The following KCND2 variants were observed in gnomAD, a reference collection of about 807,000 sequenced individuals.
The protein encoded by KCND2 is A-type voltage-gated potassium channel KCND2.
KCND2 carries 16 observed loss-of-function variants against 54.4 expected under a neutral mutation model. That is an observed-to-expected ratio of 0.29 (90% CI 0.20 to 0.45). KCND2 has a LOEUF of 0.45. Ranked by LOEUF, KCND2 falls within the 20% of genes least tolerant of loss-of-function variation. The pLI, the probability that KCND2 is intolerant of heterozygous loss-of-function variation, is 1.00. For missense variants in KCND2, 486 were observed against 824.2 expected (o/e 0.59, Z 5.02); for synonymous variants, 317 against 310.7 (o/e 1.02, Z -0.21).
chr7:120,535,714 G>A (rs945668790), intron 1 of KCND2, among the ~76,000 whole-genome samples: 1 of 152,060 alleles, frequency 6.6e-6, no homozygotes, highest in Non-Finnish European at 1.5e-5. Flanking sequence ...ACAGCAATAC[G>A]TTGATATTTT....
intron 1 of KCND2, among the ~76,000 whole-genome samples, chr7:120,704,148 A>G (rs956994869): frequency 1.3e-5 from 2 of 152,196 alleles, no homozygotes; most frequent in Non-Finnish European, 2.9e-5. Context: ...CTTGAGTGCA[A>G]AAGTCCAGAT....
chr7:120,632,566 T>A (rs1434263456), intron 1 of KCND2, among the ~76,000 whole-genome samples: 2 of 152,204 alleles, frequency 1.3e-5, no homozygotes, highest in Non-Finnish European at 2.9e-5. Context: ...CAAGATTTTT[T>A]AAAACTTATA....
At chr7:120,559,647 A>G (rs1313687585) in intron 1 of KCND2, among the ~76,000 whole-genome samples, 4 of 152,350 alleles carry the variant, frequency 2.6e-5, no homozygotes, top group South Asian at 4.1e-4. Flanking sequence ...AGGAAATGAA[A>G]CAGCATGTTT....
At chr7:120,583,794 G>C (rs914268749) in intron 1 of KCND2, among the ~76,000 whole-genome samples, 1 of 135,180 alleles carries the variant, frequency 7.4e-6, no homozygotes, top group Admixed American at 7.5e-5. Context: ...TGGGGGGGGG[G>C]ACAAAATTCA....
Position 120,598,539 on chromosome 7 carries a change from C to T in KCND2, c.1116-134364C>T, listed in dbSNP as rs560895047. Among the ~76,000 whole-genome samples the T allele has an allele frequency of 3.5e-5, 5 of 142,382 alleles. No individual in the cohort carries two copies. The South Asian group carries it at 9.7e-4, about 28-fold the overall frequency. 93.4% of individuals were successfully genotyped at this position (142,382 alleles called of 152,430 possible). A position where few individuals can be genotyped will look rare whatever the true frequency, so the allele number is the denominator to read the frequency against. On this transcript the variant is annotated intron_variant, in intron 1 of 5. Coordinates refer to ENST00000331113, the MANE Select transcript of KCND2 (RefSeq NM_012281.3). The stretch of plus-strand genomic sequence containing the variant: ...TTTTCCAGTTGCTTCACTCTCTTGT[C>T]ACCACTTAGTATTATCAGGTCTTGG...
chr7:120,373,728 T>G (rs374664433), intron 1 of KCND2, among the ~76,000 whole-genome samples: 1 of 151,834 alleles, frequency 6.6e-6, no homozygotes, highest in Non-Finnish European at 1.5e-5. Context: ...TTCATGTTAA[T>G]GAAACTTGTT....
chr7:120,418,591 T>C (rs187504212), intron 1 of KCND2, among the ~76,000 whole-genome samples: 1 of 152,184 alleles, frequency 6.6e-6, no homozygotes, highest in Admixed American at 6.5e-5. Context: ...GAGATACTGG[T>C]GAAATTTTCT....
chr7:120,443,716 A>G (rs1309055930), intron 1 of KCND2, among the ~76,000 whole-genome samples: 1 of 151,942 alleles, frequency 6.6e-6, no homozygotes, highest in Non-Finnish European at 1.5e-5. Flanking sequence ...TTGATGTCCA[A>G]TACCTAAGCT....
At chr7:120,489,209 G>A (rs1422223101) in intron 1 of KCND2, among the ~76,000 whole-genome samples, 1 of 151,792 alleles carries the variant, frequency 6.6e-6, no homozygotes, top group Non-Finnish European at 1.5e-5. Flanking sequence ...CATAAAAAAA[G>A]CCTTGTATGT....
chr7:120,573,536 A>G (rs528869481), intron 1 of KCND2, among the ~76,000 whole-genome samples: 1 of 152,290 alleles, frequency 6.6e-6, no homozygotes, highest in South Asian at 2.1e-4. Context: ...CCTAATCTCT[A>G]TGCACTAAAG....
Position 120,335,464 on chromosome 7 carries a change from C to CTTAT in KCND2, c.1115+59720_1115+59721insTTTA, listed in dbSNP as rs1287703412. Among the ~76,000 whole-genome samples, 171 of 139,234 alleles carry CTTAT rather than the reference C, an allele frequency of 1.2e-3. 1 individual carries two copies. Among genetic ancestry groups the CTTAT allele is most frequent in the East Asian group, 5.9e-3 (27 of 4,574 alleles). 91.3% of individuals were successfully genotyped at this position (139,234 alleles called of 152,430 possible). On this transcript the variant is annotated intron_variant, in intron 1 of 5. Coordinates refer to ENST00000331113, the MANE Select transcript of KCND2 (RefSeq NM_012281.3). ...ATTTATTTATTTATTTATTTACTTACTTACTTATTTATTTATTTATTTATT... is the reference window on the plus strand; with the variant it reads ...ATTTATTTATTTATTTATTTACTTACTTATTTACTTATTTATTTATTTATTTATT...
intron 1 of KCND2, among the ~76,000 whole-genome samples, chr7:120,668,534 T>G (rs1791955017): frequency 6.6e-6 from 1 of 152,116 alleles, no homozygotes. Flanking sequence ...AAAATGTTTC[T>G]TAACATAAAA....
intron 1 of KCND2, among the ~76,000 whole-genome samples, chr7:120,465,053 G>A (rs750124831): frequency 6.6e-6 from 1 of 152,172 alleles, no homozygotes; most frequent in Non-Finnish European, 1.5e-5. Context: ...AGCGGCAAAG[G>A]TCATGGAGGA....
intron 1 of KCND2, among the ~76,000 whole-genome samples, chr7:120,567,765 T>A (rs1176523773): frequency 6.6e-6 from 1 of 152,138 alleles, no homozygotes; most frequent in Non-Finnish European, 1.5e-5. Context: ...CAAAGCTAGC[T>A]ACAAATTTTA....
At chr7:120,611,249 C>A (rs922839007) in intron 1 of KCND2, among the ~76,000 whole-genome samples, 1 of 152,172 alleles carries the variant, frequency 6.6e-6, no homozygotes, top group African/African-American at 2.4e-5. Context: ...TCGTCAGTGT[C>A]TTTTTGTGCT....
chr7:120,594,544 A>C (rs984431900), intron 1 of KCND2, among the ~76,000 whole-genome samples: 4 of 152,172 alleles, frequency 2.6e-5, no homozygotes, highest in African/African-American at 9.7e-5. Context: ...TTACTGCCCA[A>C]AAGCCTCATC....
At chr7:120,288,603 A>G (rs1198424128) in intron 1 of KCND2, among the ~76,000 whole-genome samples, 1 of 152,140 alleles carries the variant, frequency 6.6e-6, no homozygotes, top group Non-Finnish European at 1.5e-5. Flanking sequence ...GATATATGAA[A>G]TATACAATAA....
chr7:120,616,886 G>T (rs1415765830), intron 1 of KCND2, among the ~76,000 whole-genome samples: 4 of 152,046 alleles, frequency 2.6e-5, no homozygotes, highest in African/African-American at 7.2e-5. Flanking sequence ...TTCCTTCTCT[G>T]CCCTCTGTGT....
At position 120,595,097 on chromosome 7, in the gene KCND2, A is replaced by T. The variant is rs535606114; in HGVS notation, c.1116-137806A>T. 1.2e-4 allele frequency among the ~76,000 whole-genome samples: 18 copies of T among 152,052 alleles called. No homozygotes were observed. The South Asian group carries it at 3.7e-3, about 32-fold the overall frequency. Reference sequence around the variant, plus strand: ...AGTACCTAGCATTAGCTCTACAGAGACATGTTGCCTAAGTCTCTTCCATCC... The same window carrying T: ...AGTACCTAGCATTAGCTCTACAGAGTCATGTTGCCTAAGTCTCTTCCATCC... On this transcript the variant is annotated intron_variant, in intron 1 of 5. Transcript: ENST00000331113.
Sources: gnomAD v4.1 joint callset for allele counts (sites outside exome capture counted in the v4.1 genomes callset) on GRCh38, gnomAD v4.1.1 for gene constraint, MANE v1.5 for transcripts, NCBI Gene and HGNC (gene_info 2026-07-23, HGNC 2026-07-21) for gene names.